Variants in COL23A1 observed in about 807,000 individuals in gnomAD.
COL23A1 encodes the protein collagen alpha-1(XXIII) chain.
A neutral mutation model predicts 99.3 loss-of-function variants in COL23A1; 97 were observed. The ratio of observed to expected loss-of-function variants is 0.98; its 90% CI spans 0.83 to 1.16. The LOEUF (loss-of-function observed/expected upper bound fraction) is 1.16, where lower values mean the gene tolerates loss of function less well. Ranked by LOEUF, COL23A1 falls within the 50% of genes most tolerant of loss-of-function variation. The pLI is 0.00. For synonymous variants in COL23A1, 320 were observed against 308.2 expected (o/e 1.04, Z -0.40); for missense variants, 762 against 757.4 (o/e 1.01, Z -0.07).
intron 2 of COL23A1, among the ~76,000 whole-genome samples, chr5:178,422,833 T>C (rs1765709771): frequency 6.6e-6 from 1 of 152,202 alleles, no homozygotes; most frequent in African/African-American, 2.4e-5. Context: ...AGTATAATTA[T>C]AAATAATTAT....
At chr5:178,495,498 C>G (rs560944611) in intron 2 of COL23A1, among the ~76,000 whole-genome samples, 3 of 152,046 alleles carry the variant, frequency 2.0e-5, no homozygotes, top group African/African-American at 4.8e-5. Flanking sequence ...CTTAACAGCC[C>G]GAATCCTCTG....
chr5:178,401,790 C>T (rs779335833), intron 2 of COL23A1, among the ~76,000 whole-genome samples: 4 of 152,154 alleles, frequency 2.6e-5, no homozygotes, highest in South Asian at 2.1e-4. Flanking sequence ...TGCAATCTCA[C>T]CAACACTTGG....
At chr5:178,358,577 ATGTG>A (rs1409485268) in intron 2 of COL23A1, among the ~76,000 whole-genome samples, 1 of 126,824 alleles carries the variant, frequency 7.9e-6, no homozygotes, top group East Asian at 2.4e-4. Context: ...TCTAATGTGT[ATGTG>A]TATGTGTGTG....
chr5:178,553,081 G>A (rs996990484), intron 2 of COL23A1, among the ~76,000 whole-genome samples: 1 of 150,972 alleles, frequency 6.6e-6, no homozygotes, highest in African/African-American at 2.4e-5. Context: ...GAGGCAGGAG[G>A]ATCACTTGAG....
chr5:178,423,728 C>T (rs575275969), intron 2 of COL23A1, among the ~76,000 whole-genome samples: 25 of 152,244 alleles, frequency 1.6e-4, no homozygotes, highest in Admixed American at 5.9e-4. Flanking sequence ...CATCACCGTC[C>T]TCAGGTTACC....
intron 1 of COL23A1, among the ~76,000 whole-genome samples, chr5:178,573,073 G>A (rs1476978243): frequency 1.3e-5 from 2 of 152,224 alleles, no homozygotes; most frequent in African/African-American, 4.8e-5. Flanking sequence ...GGAACTGAAC[G>A]AGGCAGGAGG....
chr5:178,337,600 G>A (rs934505723), intron 2 of COL23A1, among the ~76,000 whole-genome samples: 2 of 152,086 alleles, frequency 1.3e-5, no homozygotes, highest in Non-Finnish European at 2.9e-5. Context: ...CTGGGGGTAG[G>A]TGGGCTCTGC....
chr5:178,260,970 T>A (rs1424126642), intron 11 of COL23A1, among the ~76,000 whole-genome samples: 1 of 151,148 alleles, frequency 6.6e-6, no homozygotes, highest in Non-Finnish European at 1.5e-5. Flanking sequence ...TGAACCCTAA[T>A]GTAAACGACG....
chr5:178,359,348 C>T (rs1022870197), intron 2 of COL23A1, among the ~76,000 whole-genome samples: 3 of 152,154 alleles, frequency 2.0e-5, no homozygotes, highest in Non-Finnish European at 4.4e-5. Flanking sequence ...ACAATGGTGA[C>T]ATCCCGTTTC....
intron 1 of COL23A1, among the ~76,000 whole-genome samples, chr5:178,573,731 A>T (rs1174197934): frequency 6.6e-6 from 1 of 152,258 alleles, no homozygotes; most frequent in African/African-American, 2.4e-5. Context: ...TGATATAGTC[A>T]TACAATGAAA....
chr5:178,567,942 T>C (rs1364613584), intron 1 of COL23A1, among the ~76,000 whole-genome samples: 1 of 152,242 alleles, frequency 6.6e-6, no homozygotes, highest in Non-Finnish European at 1.5e-5. Flanking sequence ...CCCCTCCCCT[T>C]GATATGGGCT....
At chr5:178,488,514 C>T (rs1757752753) in intron 2 of COL23A1, among the ~76,000 whole-genome samples, 1 of 152,090 alleles carries the variant, frequency 6.6e-6, no homozygotes, top group Non-Finnish European at 1.5e-5. Flanking sequence ...CCATCAGACG[C>T]CAATTATATT....
intron 2 of COL23A1, among the ~76,000 whole-genome samples, chr5:178,391,475 GACATAGGAA>G (rs1474422669): frequency 6.6e-6 from 1 of 152,176 alleles, no homozygotes; most frequent in Non-Finnish European, 1.5e-5. Context: ...AGCACATGAA[GACATAGGAA>G]ACGTCATTAG....
At chr5:178,241,537 T>TA (rs1164266646) in intron 27 of COL23A1, among the ~76,000 whole-genome samples, 1 of 152,104 alleles carries the variant, frequency 6.6e-6, no homozygotes, top group African/African-American at 2.4e-5. Flanking sequence ...GACCCCGACT[T>TA]CCACCCCAGG....
intron 2 of COL23A1, chr5:178,345,203 T>A: frequency 1.2e-6 from 1 of 853,626 alleles, no homozygotes; most frequent in Non-Finnish European, 1.9e-6. Context: ...CCACCAGATG[T>A]GCGGGGTTAG....
At chr5:178,440,472 G>A (rs1766802934) in intron 2 of COL23A1, among the ~76,000 whole-genome samples, 3 of 152,192 alleles carry the variant, frequency 2.0e-5, no homozygotes, top group Non-Finnish European at 2.9e-5. Flanking sequence ...TCTCTCATTA[G>A]AGCAGTGCTT....
At chr5:178,455,088 G>T in intron 2 of COL23A1, among the ~76,000 whole-genome samples, 1 of 152,358 alleles carries the variant, frequency 6.6e-6, no homozygotes, top group Non-Finnish European at 1.5e-5. Context: ...TTAAGGACCT[G>T]CTCCCCTCCA....
intron 2 of COL23A1, among the ~76,000 whole-genome samples, chr5:178,472,465 C>T (rs938623443): frequency 2.0e-5 from 3 of 152,068 alleles, no homozygotes; most frequent in African/African-American, 7.2e-5. Flanking sequence ...TTGGATGGGG[C>T]CCAGTAATTT....
chr5:178,296,597 G>C (rs948698929), intron 3 of COL23A1, among the ~76,000 whole-genome samples: 22 of 152,092 alleles, frequency 1.4e-4, no homozygotes, highest in African/African-American at 5.3e-4. Context: ...GCGGTAATGT[G>C]TACTGAGCTT....
Sources: allele counts gnomAD v4.1 joint callset (sites outside exome capture counted in the v4.1 genomes callset), GRCh38; gene constraint gnomAD v4.1.1; transcripts MANE v1.5; gene names NCBI Gene and HGNC (gene_info 2026-07-23, HGNC 2026-07-21).